The following INPP4B variants were observed in gnomAD, a reference collection of about 807,000 sequenced individuals.
INPP4B encodes the protein inositol polyphosphate 4-phosphatase type II.
INPP4B carries 55 observed loss-of-function variants against 122.5 expected under a neutral mutation model. The observed-to-expected ratio is 0.45, with a 90% CI of 0.36 to 0.56. The LOEUF (loss-of-function observed/expected upper bound fraction) is 0.56, where lower values mean the gene tolerates loss of function less well. Among genes scored for constraint, INPP4B ranks in the 20% least tolerant of loss-of-function variants. INPP4B has a pLI of 0.00. For synonymous variants in INPP4B, 403 were observed against 388.7 expected (o/e 1.04, Z -0.43); for missense variants, 1,000 against 1,097.7 (o/e 0.91, Z 1.26).
At chr4:142,539,012 T>A (rs1828619508) in intron 2 of INPP4B, among the ~76,000 whole-genome samples, 1 of 151,416 alleles carries the variant, frequency 6.6e-6, no homozygotes, top group Admixed American at 6.6e-5. Context: ...ATGAAAAAAA[T>A]TGTTTAGACT....
intron 3 of INPP4B, among the ~76,000 whole-genome samples, chr4:142,437,784 G>T (rs1810850996): frequency 6.6e-6 from 1 of 152,104 alleles, no homozygotes; most frequent in African/African-American, 2.4e-5. Context: ...GGAAGAAATG[G>T]TTAAATTTCT....
intron 2 of INPP4B, among the ~76,000 whole-genome samples, chr4:142,651,696 C>G (rs1752996916): frequency 6.6e-6 from 1 of 152,078 alleles, no homozygotes; most frequent in South Asian, 2.1e-4. Flanking sequence ...CTGAATAGAC[C>G]AATCACAGAC....
At chr4:142,603,196 T>C (rs947398578) in intron 2 of INPP4B, among the ~76,000 whole-genome samples, 12 of 151,726 alleles carry the variant, frequency 7.9e-5, no homozygotes, top group African/African-American at 2.4e-4. Flanking sequence ...CATGGACACA[T>C]TGGGGGAACA....
intron 8 of INPP4B, among the ~76,000 whole-genome samples, chr4:142,311,358 G>C (rs993436509): frequency 6.6e-6 from 1 of 152,052 alleles, no homozygotes; most frequent in East Asian, 1.9e-4. Flanking sequence ...AATCTTACCT[G>C]CCATTTTGAG....
intron 1 of INPP4B, among the ~76,000 whole-genome samples, chr4:142,826,937 T>G (rs1781527816): frequency 1.3e-5 from 2 of 152,216 alleles, no homozygotes; most frequent in African/African-American, 4.8e-5. Flanking sequence ...AGCATCTCTT[T>G]GTCCACAGGC....
intron 2 of INPP4B, among the ~76,000 whole-genome samples, chr4:142,550,621 T>TATATATATA (rs371250535): frequency 0.019 from 2,407 of 126,814 alleles, 34 homozygotes; most frequent in Non-Finnish European, 0.026. Context: ...TATATATATA[T>TATATATATA]TTTTTTTTTT....
intron 12 of INPP4B, among the ~76,000 whole-genome samples, chr4:142,231,079 C>A (rs2149843400): frequency 6.6e-6 from 1 of 152,312 alleles, no homozygotes; most frequent in Non-Finnish European, 1.5e-5. Context: ...TGTATCACAA[C>A]CCTGAGACTT....
chr4:142,103,383 T>C (rs1034791494), intron 23 of INPP4B, among the ~76,000 whole-genome samples: 1 of 152,102 alleles, frequency 6.6e-6, no homozygotes, highest in African/African-American at 2.4e-5. Flanking sequence ...AAATTAGTTA[T>C]CTATAAAATA....
At chr4:142,622,586 C>A (rs564206712) in intron 2 of INPP4B, among the ~76,000 whole-genome samples, 10 of 151,776 alleles carry the variant, frequency 6.6e-5, no homozygotes, top group South Asian at 4.2e-4. Flanking sequence ...AAATATCATG[C>A]GGGAAATTCC....
chr4:142,636,835 G>T (rs572657921), intron 2 of INPP4B, among the ~76,000 whole-genome samples: 4 of 151,556 alleles, frequency 2.6e-5, no homozygotes, highest in African/African-American at 9.7e-5. Context: ...TATTGAATAT[G>T]GTATTATCTT....
At chr4:142,730,791 T>A (rs745387290) in intron 1 of INPP4B, among the ~76,000 whole-genome samples, 1 of 152,186 alleles carries the variant, frequency 6.6e-6, no homozygotes, top group African/African-American at 2.4e-5. Flanking sequence ...CTAAACTCAA[T>A]GATCAGCATA....
intron 25 of INPP4B, among the ~76,000 whole-genome samples, chr4:142,078,655 C>T (rs1772162695): frequency 6.6e-6 from 1 of 151,856 alleles, no homozygotes; most frequent in South Asian, 2.1e-4. Context: ...TACTTTTGCT[C>T]ATCGTAAATA....
rs1736334312 is a variant in INPP4B, at chr4:142,024,252, GAT to G, written c.*4528_*4529del. 1 of 152,092 alleles carries G rather than the reference GAT, an allele frequency of 6.6e-6. No homozygotes were observed. Among genetic ancestry groups the G allele is most frequent in the African/African-American group, 2.4e-5 (1 of 41,432 alleles). 9.4% of individuals were successfully genotyped at this position (152,092 alleles called of 1,614,324 possible). The stretch of plus-strand genomic sequence containing the variant: ...AATTAAAACTGCCAAAGCAACAAAA[GAT>G]ATAATATATTGGGACTTTATAAGCT... On this transcript the variant is annotated 3_prime_UTR_variant, in exon 26 of 26. Coordinates refer to ENST00000262992, the MANE Select transcript of INPP4B (RefSeq NM_001101669.3).
At chr4:142,181,086 G>T (rs908695421) in intron 15 of INPP4B, among the ~76,000 whole-genome samples, 1 of 152,128 alleles carries the variant, frequency 6.6e-6, no homozygotes, top group Non-Finnish European at 1.5e-5. Context: ...GAAGAAAAAG[G>T]GAAAAACTAT....
intron 11 of INPP4B, among the ~76,000 whole-genome samples, chr4:142,254,479 C>T (rs1164014331): frequency 1.3e-5 from 2 of 151,966 alleles, no homozygotes; most frequent in Non-Finnish European, 2.9e-5. Flanking sequence ...GAATGTATAA[C>T]TAGAATAACC....
At chr4:142,523,815 AC>A (rs1826442226) in intron 2 of INPP4B, among the ~76,000 whole-genome samples, 1 of 78,618 alleles carries the variant, frequency 1.3e-5, no homozygotes, top group Non-Finnish European at 2.4e-5. Context: ...CCCTCCCCCC[AC>A]CCCACAACAG....
intron 2 of INPP4B, among the ~76,000 whole-genome samples, chr4:142,470,539 A>G (rs1004944012): frequency 6.6e-6 from 1 of 152,204 alleles, no homozygotes; most frequent in Non-Finnish European, 1.5e-5. Flanking sequence ...CATTCTCACC[A>G]TATGTGGTTA....
At chr4:142,666,195 C>G (rs1323497906) in intron 2 of INPP4B, among the ~76,000 whole-genome samples, 1 of 152,006 alleles carries the variant, frequency 6.6e-6, no homozygotes, top group Non-Finnish European at 1.5e-5. Flanking sequence ...ATATTAAGAA[C>G]TAGGAAGGTA....
chr4:142,123,567 G>A (rs1220067514), intron 19 of INPP4B, 152 bp from the exon 20 acceptor site: 5 of 731,318 alleles, frequency 6.8e-6, no homozygotes, highest in Non-Finnish European at 1.1e-5. Context: ...AAAACAAGTT[G>A]ACAGTCTTTG....
Sources: gnomAD v4.1 joint callset for allele counts (sites outside exome capture counted in the v4.1 genomes callset) on GRCh38, gnomAD v4.1.1 for gene constraint, MANE v1.5 for transcripts, NCBI Gene and HGNC (gene_info 2026-07-23, HGNC 2026-07-21) for gene names.